IFT172: variants seen among roughly 807,000 people sequenced by gnomAD.
IFT172 encodes the protein intraflagellar transport 172.
In IFT172, 164 loss-of-function variants were observed where a neutral mutation model predicts 248.9. That is an observed-to-expected ratio of 0.66 (90% CI 0.58 to 0.75). The LOEUF (loss-of-function observed/expected upper bound fraction) is 0.75. IFT172 is among the 30% of genes least tolerant of loss of function. The pLI, the probability that IFT172 is intolerant of heterozygous loss-of-function variation, is 0.00. For missense variants in IFT172, 1,950 were observed against 2,192.4 expected (o/e 0.89, Z 2.21); for synonymous variants, 729 against 791.6 (o/e 0.92, Z 1.33).
intron 30 of IFT172, 46 bp downstream of exon 30, chr2:27,456,465 G>A (rs771971802): frequency 1.1e-5 from 17 of 1,578,648 alleles, no homozygotes; most frequent in Non-Finnish European, 1.5e-5. Flanking sequence ...CTAGATAGTG[G>A]CTCTGGCTGG....
chr2:27,479,033 C>T (rs1436196913), intron 10 of IFT172, among the ~76,000 whole-genome samples: 2 of 152,120 alleles, frequency 1.3e-5, no homozygotes, highest in African/African-American at 4.8e-5. Context: ...GAGACAGAGT[C>T]TTGCTCTGTC....
In IFT172 at chr2:27,445,747, G is replaced by C. The variant is rs866404849; in HGVS notation, c.4912C>G (p.Pro1638Ala). 6.2e-7 allele frequency: 1 copy of C among 1,614,030 alleles called. No homozygotes were observed. The highest frequency in any genetic ancestry group is 1.7e-5 in the Admixed American group (1 of 59,992). ...GTTTTCCAACCCTGTGCCCTTACCGGTACATGCTGCTTAGCTGGGAGTGGC... is the reference window on the plus strand; with the variant it reads ...GTTTTCCAACCCTGTGCCCTTACCGCTACATGCTGCTTAGCTGGGAGTGGC... ...EVPLPAKQHV[P>A]EAEREEVRDW... The change falls in exon 45 of 48, where the codon CCG becomes GCG. Residue 1638 changes from proline to alanine, a missense_variant and splice_region_variant. Pro to Ala is a conservative substitution (Grantham distance 27). Transcript: ENST00000260570. The surrounding 1 kb of genome is among the most constrained non-coding windows in gnomAD (Gnocchi z 4.4).
intron 16 of IFT172, among the ~76,000 whole-genome samples, chr2:27,468,511 T>G (rs1180405662): frequency 6.6e-6 from 1 of 151,946 alleles, no homozygotes; most frequent in African/African-American, 2.4e-5. Flanking sequence ...TGGAATTATA[T>G]GTGTGAGCCA....
In IFT172 at chr2:27,459,478, C is replaced by T; in HGVS notation, c.2687G>A (p.Trp896Ter). The T allele has an allele frequency of 6.2e-7, 1 of 1,614,176 alleles. No individual in the cohort carries two copies. The highest frequency in any genetic ancestry group is 1.1e-5 in the South Asian group (1 of 91,080). Reference protein sequence around the residue: ...AIEAALGARQWKKAIYILDLQ... With the variant: ...AIEAALGARQ ...ATCTAATATATAAATTGCCTTCTTC[C>T]ACTGGCGGGCACCCAGGGCGGCCTC... is the stretch of plus-strand genomic sequence containing the variant. The change falls in exon 25 of 48, where the codon TGG becomes TAG. Residue 896 changes from tryptophan (W) to a stop codon, truncating the protein, a stop_gained. Transcript: ENST00000260570. LOFTEE classifies it high-confidence loss of function.
At chr2:27,465,339 C>G (rs1667006542) in intron 18 of IFT172, 72 bp downstream of exon 18, 1 of 1,274,334 alleles carries the variant, frequency 7.8e-7, no homozygotes, top group African/African-American at 1.5e-5. Flanking sequence ...ATTGGAGTAG[C>G]CCACAGGGAA....
At chr2:27,472,887 C>T (rs1667676874) in intron 14 of IFT172, among the ~76,000 whole-genome samples, 1 of 152,094 alleles carries the variant, frequency 6.6e-6, no homozygotes, top group Admixed American at 6.5e-5. Context: ...TAGAGCAGAC[C>T]AATTAGGGTT....
Position 27,454,097 on chromosome 2 carries a change from A to G in IFT172, c.3596T>C (p.Val1199Ala). 6.2e-7 allele frequency: 1 copy of G among 1,614,030 alleles called. No homozygotes were observed. The highest frequency in any genetic ancestry group is 1.6e-4 in the Middle Eastern group (1 of 6,062). Residue 1199 changes from valine to alanine, a missense_variant, in exon 33 of 48, where the codon GTC becomes GCC. Coordinates refer to ENST00000260570, the MANE Select transcript of IFT172 (RefSeq NM_015662.3). The surrounding 1 kb of genome is among the most constrained non-coding windows in gnomAD (Gnocchi z 4.2). ...RVAEAHDPDS[V>A]AEVLVGQARG... ...GGCCTGTCCCACAAGCACCTCGGCG[A>G]CACTGTCAGGGTCGTGAGCCTCAGC...
At chr2:27,447,127 G>A (rs1210178987) in intron 42 of IFT172, among the ~76,000 whole-genome samples, 2 of 152,218 alleles carry the variant, frequency 1.3e-5, no homozygotes, top group South Asian at 2.1e-4. Flanking sequence ...ACAGGGGTGA[G>A]CCACCACACC....
chr2:27,464,742 T>C (rs1258469396), intron 18 of IFT172, among the ~76,000 whole-genome samples: 2 of 151,986 alleles, frequency 1.3e-5, no homozygotes, highest in African/African-American at 4.8e-5. Flanking sequence ...CTCAGCCTCC[T>C]GAATAGCTGG....
At chr2:27,453,833 T>C in intron 33 of IFT172, 94 bp from the exon 34 acceptor site, 1 of 1,396,492 alleles carries the variant, frequency 7.2e-7, no homozygotes, top group Non-Finnish European at 9.9e-7. Context: ...CCTGGGTCCT[T>C]GGACCTCTCT....
Position 27,463,912 on chromosome 2 carries a change from A to C in IFT172, c.1938-731T>G, listed in dbSNP as rs78104672. On this transcript the variant is annotated intron_variant, in intron 18 of 47. Coordinates refer to ENST00000260570, the MANE Select transcript of IFT172 (RefSeq NM_015662.3). ...CATGAGAAGGAAGCAGAGGCCAAAA[A>C]ACTTCAGGGCTAAGGCCACACAAGG... Among the ~76,000 whole-genome samples, 1,021 of 152,248 alleles carry C rather than the reference A, an allele frequency of 6.7e-3. 8 individuals are homozygous for C. The highest frequency in any genetic ancestry group is 0.023 in the African/African-American group (965 of 41,530).
intron 13 of IFT172, 98 bp downstream of exon 13, chr2:27,477,119 C>G: frequency 9.0e-7 from 1 of 1,108,212 alleles, no homozygotes. Context: ...GCCACCACAC[C>G]TGGCTGAAGC....
intron 14 of IFT172, among the ~76,000 whole-genome samples, chr2:27,474,647 G>T (rs1253779881): frequency 1.3e-5 from 2 of 152,036 alleles, no homozygotes; most frequent in Non-Finnish European, 2.9e-5. Flanking sequence ...CACCTCCCCG[G>T]TTCAAGTGAT....
chr2:27,469,322 G>A (rs181470113), intron 16 of IFT172, among the ~76,000 whole-genome samples: 63 of 152,254 alleles, frequency 4.1e-4, no homozygotes, highest in Non-Finnish European at 7.9e-4. Context: ...GAACCTGGGA[G>A]GTGGAGGTTG....
rs770074024 is a variant in IFT172 at position 27,478,120 on chromosome 2, C to T, written c.1042G>A (p.Val348Met). The change falls in exon 11 of 48, where the codon GTG (valine) becomes ATG (methionine). Residue 348 changes from valine to methionine, a missense_variant. By Grantham distance (21) the Val-to-Met change is conservative. Transcript: ENST00000260570. ...TCATAGCCATAGTGTGACTTGAGCA[C>T]CACTCGGGTTCCTGATGACAGGTTC... ...VKNLSSGTRV[V>M]LKSHYGYEVE... The T allele has an allele frequency of 1.2e-6, 2 of 1,614,052 alleles. No homozygotes were observed. Among genetic ancestry groups the T allele is most frequent in the African/African-American group, 1.3e-5 (1 of 74,920 alleles).
intron 7 of IFT172, among the ~76,000 whole-genome samples, chr2:27,481,723 T>C (rs186881524): frequency 1.3e-5 from 2 of 151,858 alleles, no homozygotes; most frequent in Admixed American, 6.6e-5. Flanking sequence ...CTGTTTTTAG[T>C]AGAGATGGGG....
chr2:27,465,559 G>C lies in IFT172; in HGVS notation c.1830-41C>G, dbSNP rs930451933. 18 of 1,596,862 alleles carry C rather than the reference G, an allele frequency of 1.1e-5. No individual in the cohort carries two copies. In the Admixed American group the frequency reaches 2.7e-4, roughly 24 times the overall value. ...AGCAAAGCATAATGAATGAGGAATGGGTTAGGAAGATACAGCAGAAGACTG... is the reference window on the plus strand; with the variant it reads ...AGCAAAGCATAATGAATGAGGAATGCGTTAGGAAGATACAGCAGAAGACTG... On this transcript the variant is annotated intron_variant, in intron 17 of 47. Transcript: ENST00000260570.
chr2:27,445,335 C>A lies in IFT172; in HGVS notation c.5029G>T (p.Ala1677Ser), dbSNP rs766918099. 3.7e-6 allele frequency: 6 copies of A among 1,613,204 alleles called. No homozygotes were observed. In the African/African-American group the frequency reaches 6.7e-5, roughly 18 times the overall value. ...RGAYEASLVA[A>S]STGVRALPCL... is the part of the protein sequence containing the mutation. ...GGCAGGGCTCGAACACCAGTGCTCG[C>A]TGCCACTAGGGAGGCCTCGTAGGCG... The change falls in exon 46 of 48, where the codon GCG (alanine) becomes TCG (serine). Residue 1677 changes from alanine to serine, a missense_variant. Physicochemically the swap from Ala to Ser is moderately conservative, Grantham distance 99. Transcript: ENST00000260570. This position sits in a 1 kb window ranked among gnomAD's most constrained non-coding sequence, Gnocchi z 4.4.
rs191473016 is a variant in IFT172, at chr2:27,488,396, C to T, written c.39+1219G>A. On this transcript the variant is annotated intron_variant, in intron 1 of 47. Transcript: ENST00000260570. ...CTTGAACTCCTGACCTCAGGTGATC[C>T]GCCCGCCTCGGCCTCCCAAAGTACA... Among the ~76,000 whole-genome samples the T allele has an allele frequency of 1.4e-3, 183 of 134,870 alleles. 2 individuals carry two copies. Among genetic ancestry groups the T allele is most frequent in the African/African-American group, 4.9e-3 (173 of 35,592 alleles). 88.5% of individuals were successfully genotyped at this position (134,870 alleles called of 152,430 possible).
Sources: allele counts gnomAD v4.1 joint callset (sites outside exome capture counted in the v4.1 genomes callset), GRCh38; gene constraint gnomAD v4.1.1; non-coding constraint Gnocchi (gnomAD v3.1); transcripts MANE v1.5; gene names NCBI Gene and HGNC (gene_info 2026-07-23, HGNC 2026-07-21).